Variants in MCM3 observed in about 807,000 individuals in gnomAD.
The protein encoded by MCM3 is minichromosome maintenance complex component 3, also known as DNA replication licensing factor MCM3.
A neutral mutation model predicts 91.3 loss-of-function variants in MCM3; 59 were observed. The observed-to-expected ratio is 0.65, with a 90% CI of 0.52 to 0.80. The LOEUF (loss-of-function observed/expected upper bound fraction) is 0.80. MCM3 is among the 30% of genes least tolerant of loss of function. The pLI is 0.00. For synonymous variants in MCM3, 383 were observed against 379.6 expected, an observed-to-expected ratio of 1.01 and a Z score of -0.10; for missense variants, 919 against 1,035.4, an observed-to-expected ratio of 0.89 and a Z score of 1.54.
In MCM3 at chr6:52,264,223, C is replaced by A; in HGVS notation, c.*365G>T. 4.2e-6 allele frequency: 1 copy of A among 237,658 alleles called. No homozygotes were observed. The highest frequency in any genetic ancestry group is 1.1e-4 in the East Asian group (1 of 9,202). The allele number at this position is 237,658 out of a possible 1,614,324, so 14.7% of individuals were successfully genotyped here. A position where few individuals can be genotyped will look rare whatever the true frequency, so the allele number is the denominator to read the frequency against. ...ACCAAAGTGCTCTGGAGAAAAAAAA[C>A]AAAACAAAAAAACAGCAAACAGAAA... On this transcript the variant is annotated 3_prime_UTR_variant, in exon 17 of 17. Transcript: ENST00000596288.
intron 9 of MCM3, among the ~76,000 whole-genome samples, chr6:52,274,508 G>A (rs557974004): frequency 2.0e-5 from 3 of 151,816 alleles, no homozygotes; most frequent in African/African-American, 7.3e-5. Context: ...GCAAAACCCT[G>A]TCCCTATAAA....
chr6:52,274,783 C>T (rs1052289836), intron 9 of MCM3, among the ~76,000 whole-genome samples: 2 of 152,036 alleles, frequency 1.3e-5, no homozygotes, highest in South Asian at 4.1e-4. Context: ...CTGATACTTA[C>T]CCATCCACAT....
chr6:52,266,874 C>T (rs1764680619), intron 14 of MCM3, among the ~76,000 whole-genome samples, 178 bp from the exon 15 acceptor site: 1 of 152,190 alleles, frequency 6.6e-6, no homozygotes, highest in Non-Finnish European at 1.5e-5. Context: ...AGTCCCCAGA[C>T]TAGAACACAA....
intron 12 of MCM3, 150 bp from the exon 13 acceptor site, chr6:52,269,376 T>C: frequency 1.7e-6 from 1 of 599,522 alleles, no homozygotes; most frequent in South Asian, 3.1e-5. Context: ...AGATACCATA[T>C]AAAAATGAGA....
intron 1 of MCM3, among the ~76,000 whole-genome samples, chr6:52,283,838 G>GTA (rs1255223815): frequency 6.6e-6 from 1 of 152,224 alleles, no homozygotes; most frequent in Non-Finnish European, 1.5e-5. Flanking sequence ...ATTTCACCAT[G>GTA]TATATCAAAA....
chr6:52,275,998 T>C, intron 9 of MCM3: 1 of 404,150 alleles, frequency 2.5e-6, no homozygotes, highest in East Asian at 4.7e-5. Context: ...TGTAGTCCTT[T>C]TATTTAATGG....
chr6:52,266,143 T>G lies in MCM3; in HGVS notation c.2160A>C (p.Val720=). The change falls in exon 16 of 17, where the codon GTA becomes GTC. Residue 720 remains valine, a splice_region_variant and synonymous_variant. Coordinates refer to ENST00000596288, the MANE Select transcript of MCM3 (RefSeq NM_002388.6). Reference sequence around the variant, plus strand: ...GTGAGTCTGCCGTCTTTGGAGTGTGTACTTCAGAGGGTTGATGGTTGTAGA... The same window carrying G: ...GTGAGTCTGCCGTCTTTGGAGTGTGGACTTCAGAGGGTTGATGGTTGTAGA... ...FSDTEEEMPQ[V]HTPKTADSQE... is the part of the protein sequence containing the mutation. 3.1e-6 allele frequency: 5 copies of G among 1,613,158 alleles called. No homozygotes were observed. Among genetic ancestry groups the G allele is most frequent in the Non-Finnish European group, 4.2e-6 (5 of 1,179,110 alleles).
Position 52,277,524 on chromosome 6 carries a change from C to G in MCM3, c.1033+11G>C. On this transcript the variant is annotated intron_variant, in intron 7 of 16. Coordinates refer to ENST00000596288, the MANE Select transcript of MCM3 (RefSeq NM_002388.6). ...AGAACAACAGTCTAAAGCAAATCCC[C>G]AACATCGTACCTATTAGAAGAATAT... 3.1e-6 allele frequency: 5 copies of G among 1,607,846 alleles called. No individual in the cohort carries two copies. Among genetic ancestry groups the G allele is most frequent in the Non-Finnish European group, 4.2e-6 (5 of 1,176,916 alleles).
At chr6:52,271,966 G>A (rs529973531) in intron 12 of MCM3, among the ~76,000 whole-genome samples, 49 of 152,176 alleles carry the variant, frequency 3.2e-4, no homozygotes, top group African/African-American at 1.2e-3. Context: ...CCCCCGCTCC[G>A]GATCTGAGCT....
intron 10 of MCM3, 105 bp from the exon 11 acceptor site, chr6:52,273,461 A>C (rs1765300811): frequency 8.4e-7 from 1 of 1,193,304 alleles, no homozygotes; most frequent in Admixed American, 2.3e-5. Context: ...TTCATAAAGA[A>C]AGGGCCCAAA....
At chr6:52,282,508 C>T in intron 3 of MCM3, 145 bp downstream of exon 3, 1 of 675,224 alleles carries the variant, frequency 1.5e-6, no homozygotes, top group Non-Finnish European at 2.6e-6. Flanking sequence ...AATCATTGTA[C>T]ACACTGAGCC....
At chr6:52,284,553 A>G (rs755277281) in intron 1 of MCM3, 44 bp downstream of exon 1, 1 of 1,546,786 alleles carries the variant, frequency 6.5e-7, no homozygotes, top group South Asian at 1.2e-5. Flanking sequence ...CCGCGTCCGC[A>G]GGGGCTCCGA....
In MCM3 at chr6:52,269,217, C is replaced by A. The variant is rs200468374; in HGVS notation, c.1837G>T (p.Val613Phe). 4 of 1,610,266 alleles carry A rather than the reference C, an allele frequency of 2.5e-6. No individual in the cohort carries two copies. Among genetic ancestry groups the A allele is most frequent in the Admixed American group, 3.3e-5 (2 of 59,886 alleles). The change falls in exon 13 of 17, where the codon GTT becomes TTT. Residue 613 changes from valine (V) to phenylalanine (F), a missense_variant. This residue lies in a region of MCM3 where 285 missense variants were observed against 311.4 expected (regional missense o/e 0.92). Transcript: ENST00000596288. ...AGAGTTTCCAGTGTTCGGGCTGTAACTGGAGATGTCTAGGGAAGAAAAGGG... is the reference window on the plus strand; with the variant it reads ...AGAGTTTCCAGTGTTCGGGCTGTAAATGGAGATGTCTAGGGAAGAAAAGGG... Reference protein sequence around the residue: ...MSSDTARTSPVTARTLETLIR... With the variant: ...MSSDTARTSPFTARTLETLIR...
At chr6:52,270,005 C>T (rs368225900) in intron 12 of MCM3, among the ~76,000 whole-genome samples, 83 of 152,228 alleles carry the variant, frequency 5.5e-4, no homozygotes, top group Middle Eastern at 6.8e-3. Context: ...AGTCCAAAAG[C>T]TAGCTGCAGA....
intron 16 of MCM3, 79 bp downstream of exon 16, chr6:52,265,995 CA>C: frequency 7.9e-7 from 1 of 1,258,850 alleles, no homozygotes; most frequent in Non-Finnish European, 1.2e-6. Context: ...GTTTGTTTCC[CA>C]CCCTCTCCAA....
Position 52,278,797 on chromosome 6 carries a change from G to C in MCM3, c.824C>G (p.Ser275Cys). 6.2e-7 allele frequency: 1 copy of C among 1,614,038 alleles called. No homozygotes were observed. The highest frequency in any genetic ancestry group is 8.5e-7 in the Non-Finnish European group (1 of 1,179,946). ...CTTGGCTATATCCTCAGCAGAGAAAGAGGGCTGAGCATCCTTGCTCATCTG... is the reference window on the plus strand; with the variant it reads ...CTTGGCTATATCCTCAGCAGAGAAACAGGGCTGAGCATCCTTGCTCATCTG... ...VKQMSKDAQP[S>C]FSAEDIAKIK... is the part of the protein sequence containing the mutation. Residue 275 changes from serine to cysteine, a missense_variant, in exon 6 of 17, where the codon TCT becomes TGT. Coordinates refer to ENST00000596288, the MANE Select transcript of MCM3 (RefSeq NM_002388.6).
chr6:52,282,184 G>A lies in MCM3; in HGVS notation c.401-9C>T. On this transcript the variant is annotated splice_polypyrimidine_tract_variant and intron_variant, in intron 3 of 16. Transcript: ENST00000596288. Reference sequence around the variant, plus strand: ...GGGACGAACTAGAGAACCTAGGGATGGAAAATGTGCATATATAAACTCACC... The same window carrying A: ...GGGACGAACTAGAGAACCTAGGGATAGAAAATGTGCATATATAAACTCACC... 6.2e-7 allele frequency: 1 copy of A among 1,613,812 alleles called. No individual in the cohort carries two copies. The highest frequency in any genetic ancestry group is 1.1e-5 in the South Asian group (1 of 91,072).
chr6:52,269,853 A>AGAATGAATTGGAAAT (rs1382961619), intron 12 of MCM3, among the ~76,000 whole-genome samples: 1 of 152,242 alleles, frequency 6.6e-6, no homozygotes, highest in African/African-American at 2.4e-5. Context: ...CTAATCAATC[A>AGAATGAATTGGAAAT]GAATGAATTG....
Position 52,282,837 on chromosome 6 carries a change from C to T in MCM3, c.216G>A (p.Glu72=). The T allele has an allele frequency of 6.2e-7, 1 of 1,614,004 alleles. No individual in the cohort carries two copies. Among genetic ancestry groups the T allele is most frequent in the Non-Finnish European group, 8.5e-7 (1 of 1,180,016 alleles). The change falls in exon 3 of 17, where the codon GAG becomes GAA. Residue 72 remains glutamate, a synonymous_variant. Transcript: ENST00000596288. The part of the protein sequence containing the change: ...ANRLLNNAFE[E]LVAFQRALKD... The stretch of plus-strand genomic sequence containing the variant: ...TTAAGGCCCGCTGGAAGGCAACCAG[C>T]TCCTCAAAGGCATTGTTCAGAAGCC...
Sources: gnomAD v4.1 joint callset for allele counts (sites outside exome capture counted in the v4.1 genomes callset) on GRCh38, gnomAD v4.1.1 for gene constraint, gnomAD v4.1.1 regional missense constraint, MANE v1.5 for transcripts, NCBI Gene and HGNC (gene_info 2026-07-23, HGNC 2026-07-21) for gene names.